ARB2A: variants seen among roughly 807,000 people sequenced by gnomAD.
ARB2A encodes the protein ARB2 cotranscriptional regulator A.
the ARB2A span, among the ~76,000 whole-genome samples, chr5:93,965,740 G>A: frequency 6.6e-6 from 1 of 151,998 alleles, no homozygotes; most frequent in Non-Finnish European, 1.5e-5. Flanking sequence ...CAAATTTTAT[G>A]AAACAAAATC....
chr5:93,633,960 G>A, the ARB2A span, among the ~76,000 whole-genome samples: 2 of 151,882 alleles, frequency 1.3e-5, no homozygotes, highest in African/African-American at 2.4e-5. Flanking sequence ...ATGGGGTTTC[G>A]CCATGCTGCC....
At chr5:93,714,421 C>T in the ARB2A span, among the ~76,000 whole-genome samples, 5 of 152,214 alleles carry the variant, frequency 3.3e-5, no homozygotes, top group Non-Finnish European at 7.3e-5. Context: ...ACTTCAGAAA[C>T]TCTGAAAGCC....
At chr5:93,824,245 T>G in the ARB2A span, 1 of 1,589,856 alleles carries the variant, frequency 6.3e-7, no homozygotes, top group Non-Finnish European at 8.6e-7. Flanking sequence ...ATAGATTGCA[T>G]GTTCTTCAGG....
chr5:93,636,148 G>T, the ARB2A span, among the ~76,000 whole-genome samples: 1 of 152,132 alleles, frequency 6.6e-6, no homozygotes, highest in South Asian at 2.1e-4. Context: ...ATTCTGTATT[G>T]CTTTGACAGA....
the ARB2A span, among the ~76,000 whole-genome samples, chr5:93,722,913 T>TA: frequency 6.6e-6 from 1 of 152,164 alleles, no homozygotes. Flanking sequence ...GCGTTCCTCT[T>TA]ACAATACATG....
chr5:94,009,014 G>C, the ARB2A span, among the ~76,000 whole-genome samples: 1 of 152,032 alleles, frequency 6.6e-6, no homozygotes, highest in Non-Finnish European at 1.5e-5. Flanking sequence ...CATTTTAACA[G>C]GGCTGTGAAA....
At chr5:93,814,078 C>T in the ARB2A span, among the ~76,000 whole-genome samples, 1 of 152,164 alleles carries the variant, frequency 6.6e-6, no homozygotes, top group South Asian at 2.1e-4. Context: ...CTTGATGTCC[C>T]TGTTTTTCAA....
the ARB2A span, chr5:93,862,756 A>G: frequency 1.2e-4 from 19 of 152,112 alleles, no homozygotes; most frequent in Non-Finnish European, 2.6e-4. Context: ...TAAGACAAGA[A>G]CTTTCTAGAT....
the ARB2A span, among the ~76,000 whole-genome samples, chr5:93,966,390 C>T: frequency 2.6e-5 from 4 of 152,188 alleles, no homozygotes; most frequent in East Asian, 7.7e-4. Flanking sequence ...TAGAAGTCAA[C>T]AGCTCTTACT....
At chr5:93,882,697 A>G in the ARB2A span, among the ~76,000 whole-genome samples, 2 of 151,476 alleles carry the variant, frequency 1.3e-5, no homozygotes, top group East Asian at 3.9e-4. Context: ...TGTCTTTTCT[A>G]TTCAGTTATG....
chr5:94,028,868 A>G, the ARB2A span, among the ~76,000 whole-genome samples: 193 of 152,282 alleles, frequency 1.3e-3, no homozygotes, highest in African/African-American at 4.5e-3. Flanking sequence ...CTACATAACC[A>G]TAATACCGTT....
the ARB2A span, among the ~76,000 whole-genome samples, chr5:93,848,380 T>C: frequency 6.9e-6 from 1 of 145,662 alleles, no homozygotes; most frequent in East Asian, 2.0e-4. Context: ...AGACTCTGTC[T>C]AAAGATTAAA....
At chr5:93,854,809 T>G in the ARB2A span, among the ~76,000 whole-genome samples, 1 of 152,230 alleles carries the variant, frequency 6.6e-6, no homozygotes, top group South Asian at 2.1e-4. Context: ...TTGATTGCAC[T>G]GTGGTCTGAG....
the ARB2A span, among the ~76,000 whole-genome samples, chr5:94,014,359 C>T: frequency 6.6e-6 from 1 of 152,094 alleles, no homozygotes; most frequent in Non-Finnish European, 1.5e-5. Context: ...CCACCTACAG[C>T]CAAAAACACG....
the ARB2A span, among the ~76,000 whole-genome samples, chr5:93,985,589 G>T: frequency 6.6e-6 from 1 of 152,152 alleles, no homozygotes; most frequent in Non-Finnish European, 1.5e-5. Context: ...ACGCCTGACT[G>T]GATTTTGTAT....
chr5:94,069,044 A>AGATAGAT, the ARB2A span, among the ~76,000 whole-genome samples: 1 of 138,586 alleles, frequency 7.2e-6, no homozygotes, highest in Non-Finnish European at 1.6e-5. Context: ...TTAAAAAGAT[A>AGATAGAT]GATAGATAGA....
At chr5:93,795,553 C>T in the ARB2A span, among the ~76,000 whole-genome samples, 2 of 152,126 alleles carry the variant, frequency 1.3e-5, no homozygotes, top group Admixed American at 6.5e-5. Context: ...CTGCTCTGTC[C>T]ATCCAAGTGG....
At chr5:93,656,656 T>C in the ARB2A span, among the ~76,000 whole-genome samples, 2 of 152,124 alleles carry the variant, frequency 1.3e-5, no homozygotes, top group African/African-American at 4.8e-5. Context: ...CACATTTAAA[T>C]AGATTTTTAA....
chr5:93,701,620 A>G, the ARB2A span, among the ~76,000 whole-genome samples: 2 of 151,844 alleles, frequency 1.3e-5, no homozygotes, highest in East Asian at 1.9e-4. Context: ...AACATTTCCC[A>G]TGGAAATCAA....
Sources: allele counts gnomAD v4.1 joint callset (sites outside exome capture counted in the v4.1 genomes callset), GRCh38; gene constraint gnomAD v4.1.1; transcripts MANE v1.5; gene names NCBI Gene and HGNC (gene_info 2026-07-23, HGNC 2026-07-21).